Variants in KIF27 observed in about 807,000 individuals in gnomAD.
KIF27 encodes kinesin-like protein KIF27.
KIF27 carries 84 observed loss-of-function variants against 141.8 expected under a neutral mutation model. That is an observed-to-expected ratio of 0.59 (90% CI 0.50 to 0.71). The LOEUF (loss-of-function observed/expected upper bound fraction) is 0.71. Ranked by LOEUF, KIF27 falls within the 30% of genes least tolerant of loss-of-function variation. The pLI is 0.00. For synonymous variants in KIF27, 471 were observed against 569.5 expected, an observed-to-expected ratio of 0.83 and a Z score of 2.46; for missense variants, 1,306 against 1,628.4, an observed-to-expected ratio of 0.80 and a Z score of 3.41.
At chr9:83,863,301 T>C (rs1242014100) in intron 13 of KIF27, among the ~76,000 whole-genome samples, 1 of 152,226 alleles carries the variant, frequency 6.6e-6, no homozygotes, top group Non-Finnish European at 1.5e-5. Context: ...AGTACGATAT[T>C]GGCTGTAGGT....
intron 11 of KIF27, among the ~76,000 whole-genome samples, chr9:83,876,210 T>G (rs1951192380): frequency 6.6e-6 from 1 of 152,152 alleles, no homozygotes; most frequent in Non-Finnish European, 1.5e-5. Context: ...ACTTCTATAC[T>G]CCATCCCAGG....
At chr9:83,859,496 T>C (rs11999592) in intron 13 of KIF27, 125 bp from the exon 14 acceptor site, 92,337 of 674,988 alleles carry the variant, frequency 0.14, 6,656 homozygotes, top group Non-Finnish European at 0.15. Flanking sequence ...ATTATTGTTT[T>C]CTCCCATGGA....
At chr9:83,907,445 C>T (rs1169649580) in intron 3 of KIF27, among the ~76,000 whole-genome samples, 2 of 151,890 alleles carry the variant, frequency 1.3e-5, no homozygotes, top group Non-Finnish European at 2.9e-5. Context: ...CTTCCTTATA[C>T]TTTCCTGTTT....
At chr9:83,855,513 T>C (rs1233290231) in intron 14 of KIF27, among the ~76,000 whole-genome samples, 8 of 152,296 alleles carry the variant, frequency 5.3e-5, no homozygotes, top group East Asian at 3.9e-4. Context: ...CTTAGGTGAA[T>C]GAATAAGAGG....
In KIF27 at chr9:83,845,590, C is replaced by T. The variant is rs373203225; in HGVS notation, c.3557-3189G>A. On this transcript the variant is annotated intron_variant, in intron 16 of 17. Coordinates refer to ENST00000297814, the MANE Select transcript of KIF27 (RefSeq NM_017576.4). ...ATGGTTCTGCACGATATGCAGGCAC[C>T]ACCTGAAAGTGGACAGCTGTGGCAC... 1.6e-4 allele frequency among the ~76,000 whole-genome samples: 24 copies of T among 152,310 alleles called. No individual in the cohort carries two copies. The East Asian group carries it at 1.7e-3, about 11-fold the overall frequency.
intron 2 of KIF27, 56 bp downstream of exon 2, chr9:83,915,238 T>C (rs1955571421): frequency 1.4e-6 from 2 of 1,457,114 alleles, no homozygotes; most frequent in East Asian, 2.3e-5. Context: ...GTATTGGTCA[T>C]ATTTTTGCTT....
In KIF27 at chr9:83,848,226, G is replaced by GATATGATATATCTGATATATCAT. The variant is rs1305802340; in HGVS notation, c.3556+1872_3556+1873insATGATATATCAGATATATCATAT. ...CAGATATGATATATATGATATATCA[G>GATATGATATATCTGATATATCAT]ATATGATATATATGATATATCAGAT... is the stretch of plus-strand genomic sequence containing the variant. On this transcript the variant is annotated intron_variant, in intron 16 of 17. Coordinates refer to ENST00000297814, the MANE Select transcript of KIF27 (RefSeq NM_017576.4). Among the ~76,000 whole-genome samples the GATATGATATATCTGATATATCAT allele has an allele frequency of 2.9e-5, 2 of 69,282 alleles. 1 individual carries two copies. Among genetic ancestry groups the GATATGATATATCTGATATATCAT allele is most frequent in the Non-Finnish European group, 5.7e-5 (2 of 35,174 alleles). The allele number at this position is 69,282 out of a possible 152,430, so 45.5% of individuals were successfully genotyped here.
chr9:83,887,146 A>T lies in KIF27; in HGVS notation c.2134T>A (p.Leu712Ile), dbSNP rs2132299319. Residue 712 changes from leucine to isoleucine, a missense_variant, in exon 9 of 18, where the codon TTA (leucine) becomes ATA (isoleucine). Leu to Ile is a conservative substitution (Grantham distance 5). Around this residue, in one of 4 missense-constraint regions of KIF27, gnomAD observed 596 missense variants for 751.6 expected, o/e 0.79. Coordinates refer to ENST00000297814, the MANE Select transcript of KIF27 (RefSeq NM_017576.4). Reference protein sequence around the residue: ...QESQELNLQKLKNSERILTEA... With the variant: ...QESQELNLQKIKNSERILTEA... ...GTAAGTATGCGTTCTGAATTCTTTA[A>T]TTTTTGCAAATTCAATTCTTGACTC... is the stretch of plus-strand genomic sequence containing the variant. 1 of 1,590,560 alleles carries T rather than the reference A, an allele frequency of 6.3e-7. No individual in the cohort carries two copies. Among genetic ancestry groups the T allele is most frequent in the Middle Eastern group, 1.7e-4 (1 of 5,954 alleles).
chr9:83,871,332 G>A (rs773047938), intron 11 of KIF27, among the ~76,000 whole-genome samples: 33 of 152,152 alleles, frequency 2.2e-4, no homozygotes, highest in Non-Finnish European at 3.5e-4. Context: ...TATCTAAGAA[G>A]AAAGGAATGT....
At chr9:83,918,348 A>G (rs1955913430) in intron 1 of KIF27, among the ~76,000 whole-genome samples, 9 of 126,496 alleles carry the variant, frequency 7.1e-5, no homozygotes, top group African/African-American at 1.2e-4. Flanking sequence ...ACAGGGAGGG[A>G]GAGGAGGGAG....
intron 4 of KIF27, among the ~76,000 whole-genome samples, chr9:83,902,795 A>G (rs765108773): frequency 2.2e-4 from 33 of 152,242 alleles, no homozygotes; most frequent in South Asian, 8.3e-4. Flanking sequence ...GAAGGGTATG[A>G]ATTGTGAGGA....
intron 14 of KIF27, among the ~76,000 whole-genome samples, chr9:83,855,971 T>C (rs1003172176): frequency 1.3e-5 from 2 of 152,206 alleles, no homozygotes; most frequent in African/African-American, 4.8e-5. Context: ...AGCATATCAG[T>C]GTTTGCAGTT....
At chr9:83,863,163 T>C (rs1950081284) in intron 13 of KIF27, among the ~76,000 whole-genome samples, 1 of 152,146 alleles carries the variant, frequency 6.6e-6, no homozygotes, top group African/African-American at 2.4e-5. Flanking sequence ...TGAATACCCT[T>C]TATTTCTTTC....
At chr9:83,871,222 T>A (rs1950766031) in intron 11 of KIF27, among the ~76,000 whole-genome samples, 1 of 152,184 alleles carries the variant, frequency 6.6e-6, no homozygotes, top group Non-Finnish European at 1.5e-5. Context: ...TGCTCAGCCT[T>A]AATTTTTAAT....
chr9:83,916,115 T>C (rs1955652103), intron 1 of KIF27, among the ~76,000 whole-genome samples: 1 of 151,218 alleles, frequency 6.6e-6, no homozygotes, highest in Admixed American at 6.6e-5. Flanking sequence ...CTCTGCAACC[T>C]CTGCCTACCA....
rs1195075544 is a variant in KIF27, at chr9:83,888,516, T to G, written c.2056A>C (p.Thr686Pro). Residue 686 changes from threonine to proline, a missense_variant, in exon 8 of 18, where the codon ACA (threonine) becomes CCA (proline). Transcript: ENST00000297814. Reference sequence around the variant, plus strand: ...TCATTCTCCAAATCTGACTTTTGTGTTTCATCCTGAGTATCACTCAATTCA... The same window carrying G: ...TCATTCTCCAAATCTGACTTTTGTGGTTCATCCTGAGTATCACTCAATTCA... ...LVELSDTQDETQKSDLENEDL... is the reference protein window; with the variant it reads ...LVELSDTQDEPQKSDLENEDL... 9.4e-6 allele frequency: 15 copies of G among 1,593,202 alleles called. No homozygotes were observed. The highest frequency in any genetic ancestry group is 1.3e-5 in the Non-Finnish European group (15 of 1,167,688).
intron 13 of KIF27, among the ~76,000 whole-genome samples, chr9:83,864,893 CTCT>C (rs1385890190): frequency 2.0e-5 from 3 of 152,166 alleles, no homozygotes; most frequent in African/African-American, 7.2e-5. Flanking sequence ...GGATAGTTAG[CTCT>C]TCTTGTTGAA....
Position 83,842,226 on chromosome 9 carries a change from A to G in KIF27, c.3721+11T>C, listed in dbSNP as rs772908110. 1.3e-6 allele frequency: 2 copies of G among 1,529,524 alleles called. No individual in the cohort carries two copies. The highest frequency in any genetic ancestry group is 4.8e-5 in the East Asian group (2 of 41,908). The allele number at this position is 1,529,524 out of a possible 1,614,324, so 94.7% of individuals were successfully genotyped here. A position where few individuals can be genotyped will look rare whatever the true frequency, so the allele number is the denominator to read the frequency against. On this transcript the variant is annotated intron_variant, in intron 17 of 17. Coordinates refer to ENST00000297814, the MANE Select transcript of KIF27 (RefSeq NM_017576.4). ...AAACAGTGTTAAGAGTGACAACACT[A>G]AAAGTCTTACACTCTGATGGTGCTA...
chr9:83,900,762 T>G (rs1392334930), intron 4 of KIF27, among the ~76,000 whole-genome samples: 2 of 151,956 alleles, frequency 1.3e-5, no homozygotes, highest in Non-Finnish European at 2.9e-5. Flanking sequence ...TATATGTATA[T>G]ATCACAACTC....
Sources: allele counts gnomAD v4.1 joint callset (sites outside exome capture counted in the v4.1 genomes callset), GRCh38; gene constraint gnomAD v4.1.1; regional missense constraint gnomAD v4.1.1; transcripts MANE v1.5; gene names NCBI Gene and HGNC (gene_info 2026-07-23, HGNC 2026-07-21).